Variants in AUNIP observed in about 807,000 individuals in gnomAD.
AUNIP encodes aurora kinase A- and ninein-interacting protein.
Under a neutral mutation model 12.2 loss-of-function variants are expected in AUNIP, and 16 were observed. The ratio of observed to expected loss-of-function variants is 1.31; its 90% CI spans 0.88 to 1.99. The LOEUF is 1.99. Ranked by LOEUF, AUNIP falls within the 30% of genes most tolerant of loss-of-function variation. The probability of loss-of-function intolerance (pLI) is 0.00; values close to 1 mark genes in which losing one functional copy is unlikely to be tolerated. For missense variants in AUNIP, 411 were observed against 419.1 expected (o/e 0.98, Z 0.17); for synonymous variants, 142 against 154.8 (o/e 0.92, Z 0.61).
intron 1 of AUNIP, among the ~76,000 whole-genome samples, chr1:25,856,964 A>T (rs1465680184): frequency 6.6e-6 from 1 of 151,848 alleles, no homozygotes; most frequent in Non-Finnish European, 1.5e-5. Context: ...AAATACAAAA[A>T]ATGAGCTGGG....
Position 25,857,396 on chromosome 1 carries a change from C to G in AUNIP, c.78+1884G>C, listed in dbSNP as rs537623391. 5.9e-5 allele frequency among the ~76,000 whole-genome samples: 9 copies of G among 151,400 alleles called. No individual in the cohort carries two copies. In the South Asian group the frequency reaches 1.9e-3, roughly 32 times the overall value. On this transcript the variant is annotated intron_variant, in intron 1 of 2. Transcript: ENST00000374298. ...GAGTAGCTGGGATTACAGGTACCTG[C>G]CACCACGCCCAGCAAATTTTTGTAT...
Position 25,834,787 on chromosome 1 carries a change from C to G in AUNIP, c.*206G>C. The G allele has an allele frequency of 7.1e-7, 1 of 1,411,894 alleles. No individual in the cohort carries two copies. Among genetic ancestry groups the G allele is most frequent in the Non-Finnish European group, 9.2e-7 (1 of 1,087,322 alleles). 87.5% of individuals were successfully genotyped at this position (1,411,894 alleles called of 1,614,324 possible). A position where few individuals can be genotyped will look rare whatever the true frequency, so the allele number is the denominator to read the frequency against. On this transcript the variant is annotated 3_prime_UTR_variant, in exon 3 of 3. Coordinates refer to ENST00000374298, the MANE Select transcript of AUNIP (RefSeq NM_024037.3). ...CATTCAGGGAATTTACCAGCCACCACCTTCCTGAGGGAAAGCCATGATGCC... is the reference window on the plus strand; with the variant it reads ...CATTCAGGGAATTTACCAGCCACCAGCTTCCTGAGGGAAAGCCATGATGCC...
downstream of AUNIP, chr1:25,832,477 A>G: frequency 3.0e-6 from 1 of 328,894 alleles, no homozygotes. Flanking sequence ...ATACATGTTC[A>G]CAGGGCACGG....
At chr1:25,837,697 G>T in intron 1 of AUNIP, 143 bp from the exon 2 acceptor site, 2 of 780,008 alleles carry the variant, frequency 2.6e-6, no homozygotes, top group Non-Finnish European at 3.8e-6. Context: ...GGTAGTTGGT[G>T]CTGGACATCA....
chr1:25,836,360 G>A lies in AUNIP; in HGVS notation c.221-514C>T, dbSNP rs181924425. Among the ~76,000 whole-genome samples the A allele has an allele frequency of 9.1e-4, 138 of 152,310 alleles. 2 individuals are homozygous for A. Among genetic ancestry groups the A allele is most frequent in the Admixed American group, 1.7e-3 (26 of 15,306 alleles). On this transcript the variant is annotated intron_variant, in intron 2 of 2. Coordinates refer to ENST00000374298, the MANE Select transcript of AUNIP (RefSeq NM_024037.3). ...ACCTTCTGGTGACAGTGTGAAAAAC[G>A]TGGGTCCTCCACTCCCCAGGCATTT... is the stretch of plus-strand genomic sequence containing the variant.
rs138124787 is a variant in AUNIP at position 25,847,472 on chromosome 1, C to T, written c.79-9918G>A. 0.017 allele frequency among the ~76,000 whole-genome samples: 2,578 copies of T among 151,752 alleles called. 76 individuals are homozygous for T. The highest frequency in any genetic ancestry group is 0.059 in the African/African-American group (2,461 of 41,382). Reference sequence around the variant, plus strand: ...TAGAGATGAGGTTTTACCATGTTGGCCAGGCTGGTCTTAAACTCCTGACCT... The same window carrying T: ...TAGAGATGAGGTTTTACCATGTTGGTCAGGCTGGTCTTAAACTCCTGACCT... On this transcript the variant is annotated intron_variant, in intron 1 of 2. Transcript: ENST00000374298. This position sits in a 1 kb window ranked among gnomAD's most constrained non-coding sequence, Gnocchi z 4.2.
At chr1:25,842,304 A>C (rs2048352387) in intron 1 of AUNIP, among the ~76,000 whole-genome samples, 1 of 152,262 alleles carries the variant, frequency 6.6e-6, no homozygotes, top group Admixed American at 6.5e-5. Context: ...ACATTCGCTT[A>C]AGTCAAAGCC....
In AUNIP at chr1:25,837,521, T is replaced by A. The variant is rs1183921158; in HGVS notation, c.112A>T (p.Thr38Ser). 4 of 1,613,726 alleles carry A rather than the reference T, an allele frequency of 2.5e-6. No individual in the cohort carries two copies. Among genetic ancestry groups the A allele is most frequent in the Non-Finnish European group, 3.4e-6 (4 of 1,179,784 alleles). Residue 38 changes from threonine to serine, a missense_variant, in exon 2 of 3, where the codon ACA (threonine) becomes TCA (serine). Thr to Ser is a moderately conservative substitution (Grantham distance 58). Coordinates refer to ENST00000374298, the MANE Select transcript of AUNIP (RefSeq NM_024037.3). The stretch of plus-strand genomic sequence containing the variant: ...GCCTTTCTTTCTCCAGGAAGGAGTG[T>A]TAGCATTTTGGTGCCTGGTTTGATT... ...HLIKPGTKML[T>S]LLPGERKANI... is the part of the protein sequence containing the mutation.
intron 1 of AUNIP, among the ~76,000 whole-genome samples, chr1:25,853,871 C>T (rs1230428822): frequency 6.6e-6 from 1 of 152,060 alleles, no homozygotes; most frequent in African/African-American, 2.4e-5. Context: ...CATTTATGAC[C>T]CAATCTGAAA....
In AUNIP at chr1:25,859,387, G is replaced by A. The variant is rs1173526176; in HGVS notation, c.-30C>T. 5 of 1,482,112 alleles carry A rather than the reference G, an allele frequency of 3.4e-6. No individual in the cohort carries two copies. Among genetic ancestry groups the A allele is most frequent in the East Asian group, 5.6e-5 (2 of 35,466 alleles). 91.8% of individuals were successfully genotyped at this position (1,482,112 alleles called of 1,614,324 possible). On this transcript the variant is annotated 5_prime_UTR_variant, in exon 1 of 3. Coordinates refer to ENST00000374298, the MANE Select transcript of AUNIP (RefSeq NM_024037.3). Reference sequence around the variant, plus strand: ...GCTGAGGAGACGAAGCCGGCAGGACGCCGGCGCAGGCTCCCGGCGCCTCAG... The same window carrying A: ...GCTGAGGAGACGAAGCCGGCAGGACACCGGCGCAGGCTCCCGGCGCCTCAG...
Position 25,859,402 on chromosome 1 carries a change from C to T in AUNIP, c.-45G>A. On this transcript the variant is annotated 5_prime_UTR_variant, in exon 1 of 3. Transcript: ENST00000374298. ...CCGGCAGGACGCCGGCGCAGGCTCC[C>T]GGCGCCTCAGGGAACGCCAGAACCG... 6.8e-7 allele frequency: 1 copy of T among 1,468,814 alleles called. No individual in the cohort carries two copies. The highest frequency in any genetic ancestry group is 8.9e-7 in the Non-Finnish European group (1 of 1,118,076). The allele number at this position is 1,468,814 out of a possible 1,614,324, so 91.0% of individuals were successfully genotyped here. A position where few individuals can be genotyped will look rare whatever the true frequency, so the allele number is the denominator to read the frequency against.
chr1:25,843,975 A>C (rs1006024112), intron 1 of AUNIP, among the ~76,000 whole-genome samples: 5 of 152,262 alleles, frequency 3.3e-5, no homozygotes, highest in African/African-American at 1.2e-4. Context: ...TTGAGAAAGC[A>C]AAGGCAGGGT....
intron 1 of AUNIP, among the ~76,000 whole-genome samples, chr1:25,854,316 C>T (rs1012931587): frequency 2.6e-5 from 4 of 152,132 alleles, no homozygotes; most frequent in South Asian, 2.1e-4. Context: ...AGAGTGTGGA[C>T]ATATTTTGAA....
chr1:25,838,910 G>A (rs1348199225), intron 1 of AUNIP, among the ~76,000 whole-genome samples: 2 of 152,178 alleles, frequency 1.3e-5, no homozygotes, highest in Non-Finnish European at 2.9e-5. Context: ...GAATCTTGAA[G>A]CCGAGTTATT....
At position 25,834,471 on chromosome 1, in the gene AUNIP, G is replaced by A. The variant is rs1374879537; in HGVS notation, c.*522C>T. 1.3e-6 allele frequency: 1 copy of A among 744,450 alleles called. No homozygotes were observed. The highest frequency in any genetic ancestry group is 1.6e-6 in the Non-Finnish European group (1 of 610,578). The allele number at this position is 744,450 out of a possible 1,614,324, so 46.1% of individuals were successfully genotyped here. On this transcript the variant is annotated 3_prime_UTR_variant, in exon 3 of 3. Coordinates refer to ENST00000374298, the MANE Select transcript of AUNIP (RefSeq NM_024037.3). The stretch of plus-strand genomic sequence containing the variant: ...TCTACTAAAAATCCAAAAAAAATTA[G>A]CTGGGCGTGGTGGCGCATGCCTGTA...
At chr1:25,852,494 T>C (rs1338499879) in intron 1 of AUNIP, among the ~76,000 whole-genome samples, 1 of 150,516 alleles carries the variant, frequency 6.6e-6, no homozygotes, top group Non-Finnish European at 1.5e-5. Flanking sequence ...GTTTCACTCT[T>C]GTTGCCCAGG....
In AUNIP at chr1:25,835,375, A is replaced by G; in HGVS notation, c.692T>C (p.Leu231Ser). The G allele has an allele frequency of 1.9e-6, 3 of 1,614,212 alleles. No individual in the cohort carries two copies. Among genetic ancestry groups the G allele is most frequent in the Non-Finnish European group, 2.5e-6 (3 of 1,180,028 alleles). ...TTCTTTGGCAGACACCTTTCTTTCC[A>G]ATTTAGTCTTGCCTAAGGGCTGACA... The part of the protein sequence containing the change: ...KCCQPLGKTK[L>S]ERKVSAKENR... The change falls in exon 3 of 3, where the codon TTG becomes TCG. Residue 231 changes from leucine to serine, a missense_variant. Leu to Ser is a moderately radical substitution (Grantham distance 145). Coordinates refer to ENST00000374298, the MANE Select transcript of AUNIP (RefSeq NM_024037.3).
In AUNIP at chr1:25,859,414, G is replaced by C; in HGVS notation, c.-57C>G. On this transcript the variant is annotated 5_prime_UTR_variant, in exon 1 of 3. Transcript: ENST00000374298. ...CGGCGCAGGCTCCCGGCGCCTCAGG[G>C]AACGCCAGAACCGCGGCCGCCGACG... is the stretch of plus-strand genomic sequence containing the variant. 2 of 1,412,142 alleles carry C rather than the reference G, an allele frequency of 1.4e-6. No individual in the cohort carries two copies. The highest frequency in any genetic ancestry group is 1.8e-6 in the Non-Finnish European group (2 of 1,083,348). The allele number at this position is 1,412,142 out of a possible 1,614,324, so 87.5% of individuals were successfully genotyped here. A position where few individuals can be genotyped will look rare whatever the true frequency, so the allele number is the denominator to read the frequency against.
intron 1 of AUNIP, among the ~76,000 whole-genome samples, chr1:25,857,003 C>T (rs1001868042): frequency 6.6e-6 from 1 of 151,956 alleles, no homozygotes; most frequent in Non-Finnish European, 1.5e-5. Context: ...GTAGTCCCAG[C>T]TACTCGGGAG....
Sources: gnomAD v4.1 joint callset for allele counts (sites outside exome capture counted in the v4.1 genomes callset) on GRCh38, gnomAD v4.1.1 for gene constraint, Gnocchi (gnomAD v3.1) non-coding constraint, MANE v1.5 for transcripts, NCBI Gene and HGNC (gene_info 2026-07-23, HGNC 2026-07-21) for gene names.